Variants in SNTG2 observed in about 807,000 individuals in gnomAD.
SNTG2 encodes the protein syntrophin gamma 2, also known as gamma-2-syntrophin.
Under a neutral mutation model 70.9 loss-of-function variants are expected in SNTG2, and 74 were observed. The ratio of observed to expected loss-of-function variants is 1.04; its 90% CI spans 0.86 to 1.27. The LOEUF is 1.27. Ranked by LOEUF, SNTG2 falls within the 50% of genes most tolerant of loss-of-function variation. The probability of loss-of-function intolerance (pLI) is 0.00; values close to 1 mark genes in which losing one functional copy is unlikely to be tolerated. For missense variants in SNTG2, 717 were observed against 690.7 expected (o/e 1.04, Z -0.43); for synonymous variants, 278 against 273.8 (o/e 1.02, Z -0.15).
chr2:1,125,164 A>C (rs574338416), intron 4 of SNTG2, among the ~76,000 whole-genome samples: 1 of 152,248 alleles, frequency 6.6e-6, no homozygotes, highest in African/African-American at 2.4e-5. Flanking sequence ...GTTAAATAAA[A>C]CTTTTTATTT....
At chr2:1,306,547 G>A (rs1225590646) in intron 14 of SNTG2, among the ~76,000 whole-genome samples, 1 of 152,220 alleles carries the variant, frequency 6.6e-6, no homozygotes, top group African/African-American at 2.4e-5. Flanking sequence ...AGCAGGAGCG[G>A]GGGGACAGTG....
In SNTG2 at chr2:1,098,209, C is replaced by G. The variant is rs747202660; in HGVS notation, c.224C>G (p.Thr75Arg). The G allele has an allele frequency of 1.9e-6, 3 of 1,614,036 alleles. No homozygotes were observed. Among genetic ancestry groups the G allele is most frequent in the Admixed American group, 3.3e-5 (2 of 60,026 alleles). ...SHQGRNRRTV[T>R]LRRQPVGGLG... ...AATGTTTTAAAGCGCAGAACTGTTACACTCCGCAGACAGCCAGTTGGCGGC... is the reference window on the plus strand; with the variant it reads ...AATGTTTTAAAGCGCAGAACTGTTAGACTCCGCAGACAGCCAGTTGGCGGC... The change falls in exon 3 of 17, where the codon ACA becomes AGA. Residue 75 changes from threonine to arginine, a missense_variant. By Grantham distance (71) the Thr-to-Arg change is moderately conservative. Transcript: ENST00000308624.
At chr2:1,050,995 TAATAAA>T (rs1340733295) in intron 1 of SNTG2, among the ~76,000 whole-genome samples, 1 of 152,258 alleles carries the variant, frequency 6.6e-6, no homozygotes, top group Non-Finnish European at 1.5e-5. Flanking sequence ...AATATTGACA[TAATAAA>T]CTGATATTTT....
chr2:1,154,165 G>A (rs975331024), intron 6 of SNTG2, among the ~76,000 whole-genome samples: 3 of 152,116 alleles, frequency 2.0e-5, no homozygotes, highest in Non-Finnish European at 2.9e-5. Flanking sequence ...GGGCGCGGGC[G>A]GGGAGAGGCG....
At chr2:972,494 C>T (rs545595526) in intron 1 of SNTG2, among the ~76,000 whole-genome samples, 1 of 152,276 alleles carries the variant, frequency 6.6e-6, no homozygotes, top group East Asian at 1.9e-4. Flanking sequence ...GAAAAAACAG[C>T]AGGAGTTACA....
intron 2 of SNTG2, among the ~76,000 whole-genome samples, chr2:1,094,738 G>A (rs867425058): frequency 2.1e-4 from 12 of 56,990 alleles, no homozygotes; most frequent in Admixed American, 8.1e-4. Context: ...GACTGCAGGC[G>A]AAGGCCTTAT....
At chr2:960,420 C>T (rs1227218980) in intron 1 of SNTG2, among the ~76,000 whole-genome samples, 1 of 152,184 alleles carries the variant, frequency 6.6e-6, no homozygotes. Context: ...TCATGTGTGC[C>T]TTATTTTCTC....
chr2:1,083,448 G>A, intron 1 of SNTG2, 70 bp from the exon 2 acceptor site: 3 of 1,562,412 alleles, frequency 1.9e-6, no homozygotes, highest in South Asian at 2.3e-5. Flanking sequence ...CAGGAGGCGT[G>A]CGTCACCTAT....
chr2:1,346,822 G>A lies in SNTG2; in HGVS notation c.1489-20521G>A, dbSNP rs115367996. On this transcript the variant is annotated intron_variant, in intron 16 of 16. Coordinates refer to ENST00000308624, the MANE Select transcript of SNTG2 (RefSeq NM_018968.4). ...GAAAAGTGGGTATCTCCAAGCGGGG[G>A]CTTACAAGTCATAGGTGGGTTTTGG... Among the ~76,000 whole-genome samples the A allele has an allele frequency of 5.8e-3, 884 of 152,190 alleles. 6 individuals carry two copies. Among genetic ancestry groups the A allele is most frequent in the African/African-American group, 0.02 (825 of 41,532 alleles).
intron 16 of SNTG2, among the ~76,000 whole-genome samples, chr2:1,317,836 G>A (rs180987668): frequency 6.6e-6 from 1 of 152,284 alleles, no homozygotes; most frequent in Admixed American, 6.5e-5. Context: ...ATCTGTATAG[G>A]ATGTTTCCTG....
At chr2:1,012,394 C>T (rs564918665) in intron 1 of SNTG2, among the ~76,000 whole-genome samples, 1 of 152,350 alleles carries the variant, frequency 6.6e-6, no homozygotes, top group South Asian at 2.1e-4. Context: ...CTGGCACAGT[C>T]CCTGCCCCCT....
At chr2:1,037,637 G>C (rs1194423291) in intron 1 of SNTG2, among the ~76,000 whole-genome samples, 1 of 151,792 alleles carries the variant, frequency 6.6e-6, no homozygotes, top group African/African-American at 2.4e-5. Context: ...AGGACGTCTG[G>C]TGCTTTATAT....
rs568269283 is a variant in SNTG2, at chr2:1,166,410, C to T, written c.499+775C>T. On this transcript the variant is annotated intron_variant, in intron 7 of 16. Transcript: ENST00000308624. The stretch of plus-strand genomic sequence containing the variant: ...GGCTGGTGGGCTGTCCTTCCTGTCA[C>T]TCTCTCATGGGAAGGAACAGCTTCC... Among the ~76,000 whole-genome samples the T allele has an allele frequency of 1.6e-4, 24 of 152,290 alleles. No homozygotes were observed. In the South Asian group the frequency reaches 4.8e-3, roughly 30 times the overall value.
Position 1,164,559 on chromosome 2 carries a change from C to T in SNTG2, c.412-989C>T, listed in dbSNP as rs192332765. 3.2e-4 allele frequency among the ~76,000 whole-genome samples: 45 copies of T among 138,790 alleles called. No homozygotes were observed. In the East Asian group the frequency reaches 6.4e-3, roughly 20 times the overall value. 91.1% of individuals were successfully genotyped at this position (138,790 alleles called of 152,430 possible). A position where few individuals can be genotyped will look rare whatever the true frequency, so the allele number is the denominator to read the frequency against. ...GGCAGTCTCTGTGTAGAGGAGAGGG[C>T]GAGGTGGGATATGCCTGGCCTAGGA... On this transcript the variant is annotated intron_variant, in intron 6 of 16. Coordinates refer to ENST00000308624, the MANE Select transcript of SNTG2 (RefSeq NM_018968.4).
intron 6 of SNTG2, among the ~76,000 whole-genome samples, chr2:1,139,005 A>G (rs1356197254): frequency 1.3e-5 from 2 of 152,184 alleles, no homozygotes; most frequent in Non-Finnish European, 1.5e-5. Flanking sequence ...ATCGACCTCT[A>G]ATTTGTGCTA....
intron 7 of SNTG2, among the ~76,000 whole-genome samples, chr2:1,168,508 G>T (rs924181496): frequency 1.3e-5 from 2 of 152,238 alleles, no homozygotes; most frequent in African/African-American, 4.8e-5. Flanking sequence ...CCCATCACAA[G>T]CCCTGCAAGG....
At chr2:1,219,967 T>C (rs950222913) in intron 9 of SNTG2, 2 of 152,230 alleles carry the variant, frequency 1.3e-5, no homozygotes, top group Admixed American at 1.3e-4. Flanking sequence ...AAGCAGATTT[T>C]GAAAAGTGAT....
At chr2:1,028,277 A>G (rs1016267195) in intron 1 of SNTG2, among the ~76,000 whole-genome samples, 3 of 149,708 alleles carry the variant, frequency 2.0e-5, no homozygotes, top group Admixed American at 6.6e-5. Context: ...TAAGTAACTC[A>G]TGCATCTCTG....
chr2:1,363,323 C>T (rs544349552), intron 16 of SNTG2, among the ~76,000 whole-genome samples: 1 of 152,308 alleles, frequency 6.6e-6, no homozygotes, highest in South Asian at 2.1e-4. Flanking sequence ...CTTCTGTAAC[C>T]TCCTCACTTT....
Sources: gnomAD v4.1 joint callset for allele counts (sites outside exome capture counted in the v4.1 genomes callset) on GRCh38, gnomAD v4.1.1 for gene constraint, MANE v1.5 for transcripts, NCBI Gene and HGNC (gene_info 2026-07-23, HGNC 2026-07-21) for gene names.